Variants in ZNF644 observed in about 807,000 individuals in gnomAD.
The protein encoded by ZNF644 is zinc finger protein 644.
ZNF644 carries 20 observed loss-of-function variants against 108.0 expected under a neutral mutation model. The observed-to-expected ratio is 0.19, with a 90% confidence interval of 0.13 to 0.27. The LOEUF is 0.27. ZNF644 is among the 10% of genes least tolerant of loss of function. ZNF644 has a pLI of 1.00. For missense variants in ZNF644, 1,338 were observed against 1,548.9 expected, an observed-to-expected ratio of 0.86 and a Z score of 2.29; for synonymous variants, 542 against 539.1, an observed-to-expected ratio of 1.01 and a Z score of -0.08.
chr1:91,020,815 T>TAGTG (rs2308010), intron 1 of ZNF644: 1 of 151,482 alleles, frequency 6.6e-6, no homozygotes, highest in Non-Finnish European at 1.5e-5. Context: ...AGCGTGGAAT[T>TAGTG]AGGACTGGAC....
At position 90,970,958 on chromosome 1, in the gene ZNF644, C is replaced by A. The variant is rs1201463620; in HGVS notation, c.44+11352G>T. ...GAGATTACAGTGAGCCGAGATCACA[C>A]CACTGCACTCCAGCCTAGCAATGGA... is the stretch of plus-strand genomic sequence containing the variant. On this transcript the variant is annotated intron_variant, in intron 2 of 5. Coordinates refer to ENST00000337393, the MANE Select transcript of ZNF644 (RefSeq NM_201269.3). Among the ~76,000 whole-genome samples, 4 of 148,026 alleles carry A rather than the reference C, an allele frequency of 2.7e-5. No homozygotes were observed. In the East Asian group the frequency reaches 7.9e-4, roughly 29 times the overall value.
At chr1:90,936,767 C>T (rs1651361887) in intron 4 of ZNF644, among the ~76,000 whole-genome samples, 1 of 152,090 alleles carries the variant, frequency 6.6e-6, no homozygotes. Flanking sequence ...TTATCTGCCA[C>T]ATTATTTGCC....
At chr1:90,937,412 T>G (rs991663938) in intron 4 of ZNF644, 73 bp downstream of exon 4, 4 of 1,594,808 alleles carry the variant, frequency 2.5e-6, no homozygotes, top group South Asian at 2.3e-5. Context: ...ATTTTCCACA[T>G]AGATTCCATT....
At chr1:90,917,082 A>G (rs1570317039) in intron 5 of ZNF644, 92 bp from the exon 6 acceptor site, 1 of 1,334,702 alleles carries the variant, frequency 7.5e-7, no homozygotes, top group South Asian at 1.3e-5. Context: ...AATAAACTTT[A>G]TCATATTTTA....
chr1:90,963,574 A>G (rs1248918798), intron 2 of ZNF644, among the ~76,000 whole-genome samples: 1 of 152,164 alleles, frequency 6.6e-6, no homozygotes, highest in Non-Finnish European at 1.5e-5. Context: ...CTCCTACAGT[A>G]ACATGACAAA....
chr1:91,002,051 A>G (rs564065552), intron 1 of ZNF644, among the ~76,000 whole-genome samples: 8 of 152,344 alleles, frequency 5.3e-5, no homozygotes, highest in East Asian at 1.9e-4. Context: ...ATGGAAGAAC[A>G]TTCCATGCTC....
intron 1 of ZNF644, chr1:91,021,609 G>A (rs987190436): frequency 6.2e-6 from 1 of 161,224 alleles, no homozygotes; most frequent in South Asian, 2.1e-4. Flanking sequence ...GTCCGCTACC[G>A]GATCCTCCGA....
chr1:91,012,298 A>C (rs975147288), intron 1 of ZNF644, among the ~76,000 whole-genome samples: 6 of 149,616 alleles, frequency 4.0e-5, no homozygotes, highest in Admixed American at 6.7e-5. Context: ...GTAAAACCCT[A>C]TCTCTACTAC....
intron 1 of ZNF644, among the ~76,000 whole-genome samples, chr1:91,015,614 A>G (rs1660365402): frequency 6.6e-6 from 1 of 152,188 alleles, no homozygotes; most frequent in Non-Finnish European, 1.5e-5. Flanking sequence ...CTCATTCCCA[A>G]GTGTATCTAC....
At chr1:90,962,476 C>T (rs1452049752) in intron 2 of ZNF644, among the ~76,000 whole-genome samples, 1 of 151,932 alleles carries the variant, frequency 6.6e-6, no homozygotes, top group Non-Finnish European at 1.5e-5. Context: ...TTCTATGCCT[C>T]ACACATTATA....
At chr1:90,932,958 T>G (rs559902592) in intron 4 of ZNF644, among the ~76,000 whole-genome samples, 10 of 152,180 alleles carry the variant, frequency 6.6e-5, no homozygotes, top group Non-Finnish European at 1.5e-4. Flanking sequence ...CTTCTAATAT[T>G]TTGGTAGTAC....
chr1:90,980,150 G>C (rs991045638), intron 2 of ZNF644, among the ~76,000 whole-genome samples: 2 of 152,158 alleles, frequency 1.3e-5, no homozygotes, highest in African/African-American at 2.4e-5. Flanking sequence ...CCAGCACTGT[G>C]CTAAGATAAA....
chr1:90,942,541 A>T (rs1299843374), intron 2 of ZNF644, among the ~76,000 whole-genome samples: 5 of 152,196 alleles, frequency 3.3e-5, no homozygotes, highest in African/African-American at 1.2e-4. Context: ...ATAGGTGCTC[A>T]GGCAATATTT....
intron 1 of ZNF644, among the ~76,000 whole-genome samples, chr1:91,013,463 A>T (rs879609949): frequency 6.4e-4 from 95 of 148,226 alleles, no homozygotes; most frequent in South Asian, 1.0e-3. Flanking sequence ...ACACACACAC[A>T]CACACACACA....
At position 90,937,811 on chromosome 1, in the gene ZNF644, T is replaced by C. The variant is rs1320486013; in HGVS notation, c.3362A>G (p.Asn1121Ser). The stretch of plus-strand genomic sequence containing the variant: ...ACGGTATGCTTCAAGAGGTATAACA[T>C]TTTGAGATATAAAGTCATCACTTGA... ...LASSDDFISQ[N>S]VIPLEAYRNG... is the part of the protein sequence containing the mutation. Residue 1121 changes from asparagine (N) to serine (S), a missense_variant, in exon 4 of 6, where the codon AAT becomes AGT. Around this residue, in one of 6 missense-constraint regions of ZNF644, gnomAD observed 287 missense variants for 310.9 expected, o/e 0.92. Coordinates refer to ENST00000337393, the MANE Select transcript of ZNF644 (RefSeq NM_201269.3). 2 of 1,613,796 alleles carry C rather than the reference T, an allele frequency of 1.2e-6. No homozygotes were observed. The highest frequency in any genetic ancestry group is 1.7e-6 in the Non-Finnish European group (2 of 1,179,908).
intron 4 of ZNF644, among the ~76,000 whole-genome samples, chr1:90,925,126 T>G (rs1265581435): frequency 6.6e-6 from 1 of 152,208 alleles, no homozygotes; most frequent in African/African-American, 2.4e-5. Flanking sequence ...CAGTCAGCTA[T>G]GCACAGTATG....
chr1:90,981,850 T>C (rs952621169), intron 2 of ZNF644, among the ~76,000 whole-genome samples: 1 of 152,080 alleles, frequency 6.6e-6, no homozygotes, highest in Non-Finnish European at 1.5e-5. Context: ...AATCACAATT[T>C]GGCAAATTTA....
At chr1:90,918,316 T>A in intron 4 of ZNF644, 162 bp from the exon 5 acceptor site, 1 of 663,280 alleles carries the variant, frequency 1.5e-6, no homozygotes, top group Non-Finnish European at 2.7e-6. Context: ...GCTGATTCTG[T>A]AATAGCAGTA....
chr1:90,927,722 A>G (rs999254077), intron 4 of ZNF644, among the ~76,000 whole-genome samples: 1 of 152,162 alleles, frequency 6.6e-6, no homozygotes, highest in African/African-American at 2.4e-5. Context: ...ATAAAGACCC[A>G]TCTTTTCTCT....
Sources: allele counts gnomAD v4.1 joint callset (sites outside exome capture counted in the v4.1 genomes callset), GRCh38; gene constraint gnomAD v4.1.1; regional missense constraint gnomAD v4.1.1; transcripts MANE v1.5; gene names NCBI Gene and HGNC (gene_info 2026-07-23, HGNC 2026-07-21).